Variants in G6PC2 observed in about 807,000 individuals in gnomAD.
The protein encoded by G6PC2 is glucose-6-phosphatase catalytic subunit 2, also known as glucose-6-phosphatase 2.
A neutral mutation model predicts 35.4 loss-of-function variants in G6PC2; 41 were observed. That is an observed-to-expected ratio of 1.16 (90% CI 0.90 to 1.50). The LOEUF (loss-of-function observed/expected upper bound fraction) is 1.50, where lower values mean the gene tolerates loss of function less well. G6PC2 is among the 40% of genes most tolerant of loss of function. The pLI, the probability that G6PC2 is intolerant of heterozygous loss-of-function variation, is 0.00. For missense variants in G6PC2, 441 were observed against 426.5 expected (o/e 1.03, Z -0.30); for synonymous variants, 165 against 153.2 (o/e 1.08, Z -0.57).
chr2:168,904,406 G>C, intron 2 of G6PC2, 99 bp from the exon 3 acceptor site: 1 of 785,306 alleles, frequency 1.3e-6, no homozygotes, highest in Non-Finnish European at 2.3e-6. Context: ...TTTTTTCTGA[G>C]TTACTCATAA....
chr2:168,908,203 A>G lies in G6PC2; in HGVS notation c.*124A>G, dbSNP rs1195276066. ...TTCACAGAATAGCGGCACAGGCCCC[A>G]TTCCCCATAGAGATGTTTAGTTTGG... On this transcript the variant is annotated 3_prime_UTR_variant, in exon 5 of 5. Coordinates refer to ENST00000375363, the MANE Select transcript of G6PC2 (RefSeq NM_021176.3). 3 of 819,068 alleles carry G rather than the reference A, an allele frequency of 3.7e-6. No individual in the cohort carries two copies. The highest frequency in any genetic ancestry group is 6.3e-6 in the Non-Finnish European group (3 of 476,740). 50.7% of individuals were successfully genotyped at this position (819,068 alleles called of 1,614,324 possible).
At position 168,902,519 on chromosome 2, in the gene G6PC2, T is replaced by C; in HGVS notation, c.293T>C (p.Leu98Pro). ...TACCCAAATCACTCAAGTCCATGCC[T>C]TGAACAGTTCCCTACTACATGTGAA... is the stretch of plus-strand genomic sequence containing the variant. ...QIYPNHSSPC[L>P]EQFPTTCETG... The change falls in exon 2 of 5, where the codon CTT becomes CCT. Residue 98 changes from leucine to proline, a missense_variant. Physicochemically the swap from Leu to Pro is moderately conservative, Grantham distance 98. Coordinates refer to ENST00000375363, the MANE Select transcript of G6PC2 (RefSeq NM_021176.3). 1 of 1,573,634 alleles carries C rather than the reference T, an allele frequency of 6.4e-7. No individual in the cohort carries two copies. Among genetic ancestry groups the C allele is most frequent in the Non-Finnish European group, 8.7e-7 (1 of 1,143,126 alleles).
At position 168,901,411 on chromosome 2, in the gene G6PC2, A is replaced by G. The variant is rs546055009; in HGVS notation, c.80A>G (p.Asn27Ser). 3.1e-6 allele frequency: 5 copies of G among 1,602,190 alleles called. No individual in the cohort carries two copies. The South Asian group carries it at 3.3e-5, about 11-fold the overall frequency. Residue 27 changes from asparagine (N) to serine (S), a missense_variant, in exon 1 of 5, where the codon AAT (asparagine) becomes AGT (serine). Coordinates refer to ENST00000375363, the MANE Select transcript of G6PC2 (RefSeq NM_021176.3). ...TACCGAGCTTACTACACTTTTCTAA[A>G]TTTTATGTCCAATGTTGGAGACCCC... ...KDYRAYYTFLNFMSNVGDPRN... is the reference protein window; with the variant it reads ...KDYRAYYTFLSFMSNVGDPRN...
chr2:168,902,133 C>A (rs982718336), intron 1 of G6PC2, among the ~76,000 whole-genome samples: 3 of 152,162 alleles, frequency 2.0e-5, no homozygotes, highest in Admixed American at 6.5e-5. Flanking sequence ...TGATAATGAA[C>A]AAATTGATAA....
At chr2:168,903,358 TG>T (rs1690642186) in intron 2 of G6PC2, among the ~76,000 whole-genome samples, 1 of 152,236 alleles carries the variant, frequency 6.6e-6, no homozygotes, top group Admixed American at 6.5e-5. Context: ...ATGTCTTTTT[TG>T]TTCCCATAGA....
chr2:168,902,403 G>A (rs2232318), intron 1 of G6PC2, 42 bp from the exon 2 acceptor site: 15,183 of 810,456 alleles, frequency 0.019, 196 homozygotes, highest in Non-Finnish European at 0.025. Context: ...TAATAGCTGT[G>A]TATTTAAATA....
At chr2:168,902,630 A>T (rs1432950141) in intron 2 of G6PC2, 76 bp downstream of exon 2, 1 of 782,382 alleles carries the variant, frequency 1.3e-6, no homozygotes. Context: ...TCATCTAGGA[A>T]CTGATATTAT....
rs1690587997 is a variant in G6PC2 at position 168,901,393 on chromosome 2, C to A, written c.62C>A (p.Ala21Asp). ...CAGCATTTGCAGAAGGACTACCGAG[C>A]TTACTACACTTTTCTAAATTTTATG... ...IIQHLQKDYRAYYTFLNFMSN... is the reference protein window; with the variant it reads ...IIQHLQKDYRDYYTFLNFMSN... Residue 21 changes from alanine (A) to aspartate (D), a missense_variant, in exon 1 of 5, where the codon GCT becomes GAT. Ala to Asp is a moderately radical substitution (Grantham distance 126, BLOSUM62 -2). Coordinates refer to ENST00000375363, the MANE Select transcript of G6PC2 (RefSeq NM_021176.3). 1 of 1,603,432 alleles carries A rather than the reference C, an allele frequency of 6.2e-7. No individual in the cohort carries two copies. Among genetic ancestry groups the A allele is most frequent in the African/African-American group, 1.3e-5 (1 of 74,806 alleles).
At chr2:168,901,966 C>T (rs1200372150) in intron 1 of G6PC2, among the ~76,000 whole-genome samples, 2 of 152,084 alleles carry the variant, frequency 1.3e-5, no homozygotes, top group African/African-American at 2.4e-5. Flanking sequence ...TAACTCCCGA[C>T]CTCAGGTGAT....
intron 4 of G6PC2, among the ~76,000 whole-genome samples, chr2:168,906,994 C>T (rs1332069477): frequency 6.6e-6 from 1 of 152,134 alleles, no homozygotes; most frequent in Non-Finnish European, 1.5e-5. Context: ...GGCGTAAATG[C>T]ACAATTGCTT....
chr2:168,906,663 G>A lies in G6PC2; in HGVS notation c.441-1G>A. The A allele has an allele frequency of 6.7e-7, 1 of 1,497,820 alleles. No homozygotes were observed. Among genetic ancestry groups the A allele is most frequent in the South Asian group, 1.1e-5 (1 of 88,656 alleles). 92.8% of individuals were successfully genotyped at this position (1,497,820 alleles called of 1,614,324 possible). On this transcript the variant is annotated splice_acceptor_variant, in intron 3 of 4. Coordinates refer to ENST00000375363, the MANE Select transcript of G6PC2 (RefSeq NM_021176.3). LOFTEE classifies it high-confidence loss of function. Reference sequence around the variant, plus strand: ...TGCTTGTATCTATTCTTCCATCGTAGACTGACCTGGTCATTTCTTTGGAGT... The same window carrying A: ...TGCTTGTATCTATTCTTCCATCGTAAACTGACCTGGTCATTTCTTTGGAGT...
At chr2:168,902,284 G>A (rs144255414) in intron 1 of G6PC2, among the ~76,000 whole-genome samples, 161 bp from the exon 2 acceptor site, 113 of 152,280 alleles carry the variant, frequency 7.4e-4, no homozygotes, top group African/African-American at 2.5e-3. Flanking sequence ...AATAATGTGT[G>A]AGAGACCAAG....
At chr2:168,901,936 A>G (rs769995816) in intron 1 of G6PC2, among the ~76,000 whole-genome samples, 4 of 152,046 alleles carry the variant, frequency 2.6e-5, no homozygotes, top group African/African-American at 4.8e-5. Flanking sequence ...GGGTTTCTCT[A>G]TGTTGGTCAG....
At position 168,901,402 on chromosome 2, in the gene G6PC2, CT is replaced by C. The variant is rs1270007918; in HGVS notation, c.75del (p.Leu26Ter). The C allele has an allele frequency of 3.1e-6, 5 of 1,603,206 alleles. No homozygotes were observed. The highest frequency in any genetic ancestry group is 1.7e-4 in the Middle Eastern group (1 of 6,034). On this transcript the variant is annotated frameshift_variant, in exon 1 of 5. Transcript: ENST00000375363. LOFTEE classifies it high-confidence loss of function. ...CAGAAGGACTACCGAGCTTACTACA[CT>C]TTTCTAAATTTTATGTCCAATGTTG... ...HLQKDYRAYYTFLNFMSNVGD... is the reference protein window; with the variant it reads ...HLQKDYRAYYXFLNFMSNVGD...
intron 1 of G6PC2, among the ~76,000 whole-genome samples, 182 bp downstream of exon 1, chr2:168,901,731 G>GTT (rs1295193951): frequency 2.5e-4 from 25 of 100,076 alleles, no homozygotes; most frequent in African/African-American, 8.9e-4. Context: ...GTATATATAT[G>GTT]TTTTTGTTTT....
intron 3 of G6PC2, among the ~76,000 whole-genome samples, chr2:168,905,969 C>T (rs1406442014): frequency 6.7e-6 from 1 of 150,100 alleles, no homozygotes. Flanking sequence ...CAATGACATG[C>T]ATTGCTTGGA....
Position 168,908,067 on chromosome 2 carries a change from G to A in G6PC2, c.1056G>A (p.Lys352=). 1 of 1,613,192 alleles carries A rather than the reference G, an allele frequency of 6.2e-7. No homozygotes were observed. Among genetic ancestry groups the A allele is most frequent in the African/African-American group, 1.3e-5 (1 of 75,028 alleles). The change falls in exon 5 of 5, where the codon AAG becomes AAA. Residue 352 remains lysine (K), a synonymous_variant. Coordinates refer to ENST00000375363, the MANE Select transcript of G6PC2 (RefSeq NM_021176.3). ...ATATGTTAATGAAACAAAGCGGAAA[G>A]AAGAGTCAGTAGAGTGGTGCCTAGA... ...SVHMLMKQSG[K]KSQ
rs781373483 is a variant in G6PC2 at position 168,907,789 on chromosome 2, G to A, written c.778G>A (p.Val260Met). Residue 260 changes from valine (V) to methionine (M), a missense_variant, in exon 5 of 5, where the codon GTG becomes ATG. Physicochemically the swap from Val to Met is conservative, Grantham distance 21 (BLOSUM62 1). Coordinates refer to ENST00000375363, the MANE Select transcript of G6PC2 (RefSeq NM_021176.3). ...HIDTTPFAGL[V>M]RNLGVLFGLG... is the part of the protein sequence containing the mutation. ...TGACACCACGCCTTTTGCTGGACTC[G>A]TGAGAAACCTTGGGGTCCTCTTTGG... The A allele has an allele frequency of 2.5e-6, 4 of 1,614,070 alleles. No individual in the cohort carries two copies. Among genetic ancestry groups the A allele is most frequent in the East Asian group, 2.2e-5 (1 of 44,874 alleles).
Position 168,901,555 on chromosome 2 carries a change from A to G in G6PC2, c.218+6A>G, listed in dbSNP as rs1264055122. The G allele has an allele frequency of 1.5e-6, 2 of 1,370,640 alleles. No homozygotes were observed. The highest frequency in any genetic ancestry group is 1.8e-4 in the Middle Eastern group (1 of 5,458). The allele number at this position is 1,370,640 out of a possible 1,614,324, so 84.9% of individuals were successfully genotyped here. ...TTAAATCTTATATTTAAATGGTAAG[A>G]TTTCTGTTTTATTTCATTTTTTCCT... On this transcript the variant is annotated splice_donor_region_variant and intron_variant, in intron 1 of 4. Transcript: ENST00000375363.
Sources: gnomAD v4.1 joint callset for allele counts (sites outside exome capture counted in the v4.1 genomes callset) on GRCh38, gnomAD v4.1.1 for gene constraint, MANE v1.5 for transcripts, NCBI Gene and HGNC (gene_info 2026-07-23, HGNC 2026-07-21) for gene names.